The following ANOS1 variants were observed in gnomAD, a reference collection of about 807,000 sequenced individuals.
ANOS1 encodes anosmin-1.
ANOS1 carries 6 observed loss-of-function variants against 59.0 expected under a neutral mutation model. That is an observed-to-expected ratio of 0.10 (90% CI 0.06 to 0.20). The LOEUF (loss-of-function observed/expected upper bound fraction) is 0.20, where lower values mean the gene tolerates loss of function less well. ANOS1 is among the 10% of genes least tolerant of loss of function. The pLI, the probability that ANOS1 is intolerant of heterozygous loss-of-function variation, is 1.00. For synonymous variants in ANOS1, 217 were observed against 223.4 expected, an observed-to-expected ratio of 0.97 and a Z score of 0.25; for missense variants, 433 against 542.3, an observed-to-expected ratio of 0.80 and a Z score of 2.00.
intron 3 of ANOS1, among the ~76,000 whole-genome samples, chrX:8,617,669 T>C (rs1931199182): frequency 9.0e-6 from 1 of 110,509 alleles, no homozygotes; most frequent in Admixed American, 9.6e-5. Context: ...TAATCCCAGC[T>C]ACTTGGGAGG....
intron 3 of ANOS1, among the ~76,000 whole-genome samples, chrX:8,602,429 C>A (rs1346768823): frequency 9.0e-6 from 1 of 111,526 alleles, no homozygotes; most frequent in Non-Finnish European, 1.9e-5. Context: ...ATAATAATTT[C>A]TGACCATTAA....
intron 8 of ANOS1, among the ~76,000 whole-genome samples, chrX:8,560,776 A>G (rs1375754872): frequency 1.8e-5 from 2 of 112,637 alleles, no homozygotes; most frequent in East Asian, 2.8e-4. Flanking sequence ...TGAGTCTTAC[A>G]GAGCACCCAT....
At chrX:8,613,462 G>A (rs1931102937) in intron 3 of ANOS1, among the ~76,000 whole-genome samples, 1 of 110,936 alleles carries the variant, frequency 9.0e-6, no homozygotes, top group Non-Finnish European at 1.9e-5. Context: ...CTGGGCTCAA[G>A]TGATCCTCCC....
At position 8,544,105 on chromosome X, in the gene ANOS1, TCA is replaced by T. The variant is rs757898226; in HGVS notation, c.1355-4349_1355-4348del. On this transcript the variant is annotated intron_variant, in intron 9 of 13. Transcript: ENST00000262648. ...AATTTTCTTTTCAAATAGATGTAACTCACAGTGTCTGGCATAAACAAAGGGCT... is the reference window on the plus strand; with the variant it reads ...AATTTTCTTTTCAAATAGATGTAACTCAGTGTCTGGCATAAACAAAGGGCT... Among the ~76,000 whole-genome samples, 234 of 109,904 alleles carry T rather than the reference TCA, an allele frequency of 2.1e-3. 1 individual carries two copies. The highest frequency in any genetic ancestry group is 3.8e-3 in the Admixed American group (39 of 10,298).
At chrX:8,619,070 C>CAAAAAA (rs1164164251) in intron 3 of ANOS1, among the ~76,000 whole-genome samples, 59 of 43,944 alleles carry the variant, frequency 1.3e-3, no homozygotes, top group African/African-American at 3.0e-3. Context: ...AAACCTCTCT[C>CAAAAAA]AAAAAAAAAA....
intron 3 of ANOS1, among the ~76,000 whole-genome samples, chrX:8,621,845 G>A (rs750346426): frequency 7.2e-5 from 8 of 111,615 alleles, no homozygotes; most frequent in Admixed American, 6.7e-4. Flanking sequence ...GAATTTTTGC[G>A]TGATTTTTTT....
chrX:8,714,256 C>T (rs1369690012), intron 1 of ANOS1, among the ~76,000 whole-genome samples: 1 of 111,516 alleles, frequency 9.0e-6, no homozygotes, highest in African/African-American at 3.3e-5. Flanking sequence ...CTCAAATCAC[C>T]CTATTATTTT....
intron 2 of ANOS1, among the ~76,000 whole-genome samples, chrX:8,670,403 T>C (rs768470053): frequency 9.0e-6 from 1 of 111,370 alleles, no homozygotes; most frequent in East Asian, 2.8e-4. Flanking sequence ...GGAATTGGCG[T>C]TGGCTCATTC....
intron 2 of ANOS1, among the ~76,000 whole-genome samples, chrX:8,639,096 T>C (rs763098262): frequency 3.6e-5 from 4 of 111,716 alleles, no homozygotes; most frequent in African/African-American, 1.3e-4. Context: ...AATGATAAGA[T>C]TCCCTAAGTG....
chrX:8,712,004 A>G (rs1018816986), intron 1 of ANOS1, among the ~76,000 whole-genome samples: 2 of 112,716 alleles, frequency 1.8e-5, no homozygotes, highest in Non-Finnish European at 1.9e-5. Flanking sequence ...TCAAATTCAC[A>G]TTGAAATATA....
chrX:8,666,966 C>T (rs1234916170), intron 2 of ANOS1, among the ~76,000 whole-genome samples: 1 of 111,617 alleles, frequency 9.0e-6, no homozygotes, highest in East Asian at 2.8e-4. Flanking sequence ...GTAGGAATAG[C>T]CAGGGAGAAA....
chrX:8,547,778 G>C (rs1195917108), intron 9 of ANOS1, among the ~76,000 whole-genome samples: 1 of 111,395 alleles, frequency 9.0e-6, no homozygotes, highest in Non-Finnish European at 1.9e-5. Flanking sequence ...AGTCAGTGGC[G>C]CGGTCTCGGC....
chrX:8,581,550 A>C (rs1930424582), intron 6 of ANOS1, among the ~76,000 whole-genome samples: 1 of 112,002 alleles, frequency 8.9e-6, no homozygotes, highest in African/African-American at 3.2e-5. Flanking sequence ...CACTGAATTC[A>C]TAGTAGATTC....
At chrX:8,557,989 G>C (rs1015401144) in intron 8 of ANOS1, among the ~76,000 whole-genome samples, 1 of 111,958 alleles carries the variant, frequency 8.9e-6, no homozygotes. Context: ...ATACTATGTA[G>C]CCATATAAAG....
Position 8,585,222 on chromosome X carries a change from T to C in ANOS1, c.856+45A>G, listed in dbSNP as rs367653728. ...GAATCTGCATTCCATGTGTGCCTGG[T>C]AGCAAGGATAGTATTCTGTGTCTGG... On this transcript the variant is annotated intron_variant, in intron 6 of 13. Transcript: ENST00000262648. 8.6e-4 allele frequency: 1,017 copies of C among 1,180,902 alleles called. 1 individual carries two copies. Among genetic ancestry groups the C allele is most frequent in the Non-Finnish European group, 1.1e-3 (993 of 870,406 alleles).
intron 8 of ANOS1, among the ~76,000 whole-genome samples, chrX:8,554,542 G>GTTTTTTTTTTTT (rs757605733): frequency 2.2e-4 from 11 of 50,828 alleles, no homozygotes; most frequent in Admixed American, 6.4e-4. Flanking sequence ...GGCTACAGGA[G>GTTTTTTTTTTTT]TTTTTTTTTT....
At chrX:8,643,757 T>G (rs1032001245) in intron 2 of ANOS1, among the ~76,000 whole-genome samples, 2 of 111,870 alleles carry the variant, frequency 1.8e-5, no homozygotes, top group Non-Finnish European at 3.8e-5. Context: ...CAGCAGCCAC[T>G]GTGAGACTTC....
chrX:8,707,928 A>G lies in ANOS1; in HGVS notation c.208-8183T>C, dbSNP rs143514391. ...TAACCAGCAGTTATTTTCCACCTGT[A>G]CTTTTAAAACCAACTGGCCAGGCAT... On this transcript the variant is annotated intron_variant, in intron 1 of 13. Coordinates refer to ENST00000262648, the MANE Select transcript of ANOS1 (RefSeq NM_000216.4). Among the ~76,000 whole-genome samples the G allele has an allele frequency of 2.9e-3, 332 of 112,630 alleles. 1 individual carries two copies. Among genetic ancestry groups the G allele is most frequent in the African/African-American group, 0.01 (321 of 31,045 alleles).
rs1929471584 is a variant in ANOS1 at position 8,529,970 on chromosome X, T to C, written c.*3025A>G. 8.9e-6 allele frequency: 1 copy of C among 112,028 alleles called. No individual in the cohort carries two copies. 9.2% of individuals were successfully genotyped at this position (112,028 alleles called of 1,213,427 possible). A position where few individuals can be genotyped will look rare whatever the true frequency, so the allele number is the denominator to read the frequency against. ...ATGAACCTCTGTATACAGTCGGCTA[T>C]GTATCTAAGGTTTTCAGGACACAGA... On this transcript the variant is annotated 3_prime_UTR_variant, in exon 14 of 14. Coordinates refer to ENST00000262648, the MANE Select transcript of ANOS1 (RefSeq NM_000216.4).
Sources: gnomAD v4.1 joint callset for allele counts (sites outside exome capture counted in the v4.1 genomes callset) on GRCh38, gnomAD v4.1.1 for gene constraint, MANE v1.5 for transcripts, NCBI Gene and HGNC (gene_info 2026-07-23, HGNC 2026-07-21) for gene names.